ANKS6: variants seen among roughly 807,000 people sequenced by gnomAD.
The protein encoded by ANKS6 is ankyrin repeat and sterile alpha motif domain containing 6.
Under a neutral mutation model 77.9 loss-of-function variants are expected in ANKS6, and 47 were observed. The observed-to-expected ratio is 0.60, with a 90% CI of 0.48 to 0.77. The LOEUF is 0.77. Ranked by LOEUF, ANKS6 falls within the 30% of genes least tolerant of loss-of-function variation. The probability of loss-of-function intolerance (pLI) is 0.00; values close to 1 mark genes in which losing one functional copy is unlikely to be tolerated. For synonymous variants in ANKS6, 488 were observed against 501.7 expected (o/e 0.97, Z 0.37); for missense variants, 1,150 against 1,159.1 (o/e 0.99, Z 0.11).
At chr9:98,771,395 C>T (rs1833619379) in intron 9 of ANKS6, among the ~76,000 whole-genome samples, 2 of 152,318 alleles carry the variant, frequency 1.3e-5, no homozygotes, top group South Asian at 2.1e-4. Flanking sequence ...ATCCAGCCCC[C>T]TCAGCACCGC....
At chr9:98,770,749 T>C (rs1833573890) in intron 10 of ANKS6, 147 bp downstream of exon 10, 1 of 863,068 alleles carries the variant, frequency 1.2e-6, no homozygotes, top group Non-Finnish European at 1.5e-6. Flanking sequence ...GGGAATTCAC[T>C]GAAAAATCTC....
Position 98,736,001 on chromosome 9 carries a change from C to T in ANKS6, c.*518G>A. ...GGCTAACCTCTCACCATAATACATA[C>T]CCCCCATCTAAGTCAAAAGTTGTTG... On this transcript the variant is annotated 3_prime_UTR_variant, in exon 15 of 15. Coordinates refer to ENST00000353234, the MANE Select transcript of ANKS6 (RefSeq NM_173551.5). The T allele has an allele frequency of 8.2e-7, 1 of 1,218,454 alleles. No individual in the cohort carries two copies. The highest frequency in any genetic ancestry group is 1.0e-6 in the Non-Finnish European group (1 of 979,888). The allele number at this position is 1,218,454 out of a possible 1,614,324, so 75.5% of individuals were successfully genotyped here.
Position 98,790,350 on chromosome 9 carries a change from C to A in ANKS6, c.616G>T (p.Val206Leu), listed in dbSNP as rs375192576. The A allele has an allele frequency of 3.1e-6, 5 of 1,612,936 alleles. No homozygotes were observed. The highest frequency in any genetic ancestry group is 2.7e-5 in the African/African-American group (2 of 74,944). The change falls in exon 2 of 15, where the codon GTG becomes TTG. Residue 206 changes from valine (V) to leucine (L), a missense_variant. Transcript: ENST00000353234. ...MAAIQHGHEAVVRLLMEWGAD... is the reference protein window; with the variant it reads ...MAAIQHGHEALVRLLMEWGAD... The stretch of plus-strand genomic sequence containing the variant: ...CCCCACTCCATCAGTAGACGCACCA[C>A]GGCCTCGTGCCCGTGCTGGATGGCA...
chr9:98,793,896 A>T, intron 1 of ANKS6, among the ~76,000 whole-genome samples: 1 of 148,736 alleles, frequency 6.7e-6, no homozygotes, highest in East Asian at 2.1e-4. Flanking sequence ...TCACGCCTGT[A>T]ATCGCAGCAC....
At position 98,734,789 on chromosome 9, in the gene ANKS6, G is replaced by C. The variant is rs1338961082; in HGVS notation, c.*1730C>G. On this transcript the variant is annotated 3_prime_UTR_variant, in exon 15 of 15. Coordinates refer to ENST00000353234, the MANE Select transcript of ANKS6 (RefSeq NM_173551.5). ...TGCCAGCACATAGTAGGGGATGAATGAGTGTGTCTCCTTAAAAAGGCTGGG... is the reference window on the plus strand; with the variant it reads ...TGCCAGCACATAGTAGGGGATGAATCAGTGTGTCTCCTTAAAAAGGCTGGG... 1 of 984,960 alleles carries C rather than the reference G, an allele frequency of 1.0e-6. No individual in the cohort carries two copies. Among genetic ancestry groups the C allele is most frequent in the African/African-American group, 1.7e-5 (1 of 57,242 alleles). The allele number at this position is 984,960 out of a possible 1,614,324, so 61.0% of individuals were successfully genotyped here.
Position 98,780,255 on chromosome 9 carries a change from C to A in ANKS6, c.1302G>T (p.Leu434=). Residue 434 remains leucine (L), a synonymous_variant, in exon 6 of 15, where the codon CTG becomes CTT. Transcript: ENST00000353234. The part of the protein sequence containing the change: ...DKGRPSHQPP[L]PHSKVRQPWS... Reference sequence around the variant, plus strand: ...AGGGCTGTCGGACCTTCGAGTGGGGCAGGGGAGGCTGGTGGCTCGGCCGGC... The same window carrying A: ...AGGGCTGTCGGACCTTCGAGTGGGGAAGGGGAGGCTGGTGGCTCGGCCGGC... 1 of 1,613,834 alleles carries A rather than the reference C, an allele frequency of 6.2e-7. No individual in the cohort carries two copies. Among genetic ancestry groups the A allele is most frequent in the East Asian group, 2.2e-5 (1 of 44,878 alleles).
At chr9:98,779,618 A>G (rs1182997928) in intron 6 of ANKS6, among the ~76,000 whole-genome samples, 1 of 151,586 alleles carries the variant, frequency 6.6e-6, no homozygotes, top group Non-Finnish European at 1.5e-5. Flanking sequence ...GCTGGAGTGC[A>G]GTGACGTGAT....
chr9:98,776,041 T>C (rs1833900993), intron 8 of ANKS6, among the ~76,000 whole-genome samples: 1 of 152,170 alleles, frequency 6.6e-6, no homozygotes, highest in Admixed American at 6.5e-5. Context: ...CTCTGCTGGC[T>C]AGTATTAGGG....
chr9:98,734,403 T>C lies in ANKS6; in HGVS notation c.*2116A>G. ...CTGAGTGGAAGCTATACCAGTATAT[T>C]GTTATGAAAAAAACAGGACCACAGC... On this transcript the variant is annotated 3_prime_UTR_variant, in exon 15 of 15. Transcript: ENST00000353234. The C allele has an allele frequency of 2.0e-6, 2 of 985,388 alleles. No individual in the cohort carries two copies. The highest frequency in any genetic ancestry group is 2.4e-6 in the Non-Finnish European group (2 of 829,944). 61.0% of individuals were successfully genotyped at this position (985,388 alleles called of 1,614,324 possible).
chr9:98,751,167 A>G, intron 12 of ANKS6, 71 bp from the exon 13 acceptor site: 2 of 1,166,562 alleles, frequency 1.7e-6, no homozygotes, highest in South Asian at 1.3e-5. Context: ...AAACCTTTAT[A>G]AAGTAGTGGT....
chr9:98,777,865 C>T (rs1463317348), intron 7 of ANKS6, among the ~76,000 whole-genome samples: 3 of 152,140 alleles, frequency 2.0e-5, no homozygotes, highest in African/African-American at 7.2e-5. Context: ...CTACTCACAC[C>T]CTCCCAGTAA....
chr9:98,779,908 C>T (rs552326139), intron 6 of ANKS6, among the ~76,000 whole-genome samples: 2 of 152,194 alleles, frequency 1.3e-5, no homozygotes, highest in Admixed American at 6.5e-5. Context: ...GTGATCCGCC[C>T]GTCTTGGCCT....
chr9:98,745,433 T>G (rs757033763), intron 14 of ANKS6, 126 bp downstream of exon 14: 2 of 873,888 alleles, frequency 2.3e-6, no homozygotes, highest in Non-Finnish European at 3.7e-6. Context: ...GAAAAGGCCA[T>G]GCTGGGAGGT....
chr9:98,783,618 C>T (rs191851617), intron 4 of ANKS6: 1 of 214,554 alleles, frequency 4.7e-6, no homozygotes, highest in African/African-American at 2.3e-5. Context: ...AAGGAGGTCA[C>T]TATATCTCAA....
rs77147409 is a variant in ANKS6 at position 98,773,171 on chromosome 9, T to C, written c.1821+706A>G. Among the ~76,000 whole-genome samples the C allele has an allele frequency of 3.4e-4, 52 of 152,322 alleles. No homozygotes were observed. The East Asian group carries it at 9.6e-3, about 28-fold the overall frequency. On this transcript the variant is annotated intron_variant, in intron 9 of 14. Transcript: ENST00000353234. ...AGAGCATCTCCAGGCGCCAGGCTCT[T>C]GGTCTCCTGCAGGTGATCTCATACT...
chr9:98,787,590 T>C (rs1834644931), intron 2 of ANKS6, among the ~76,000 whole-genome samples: 1 of 152,224 alleles, frequency 6.6e-6, no homozygotes, highest in Non-Finnish European at 1.5e-5. Flanking sequence ...TCGGAATGAA[T>C]GTATCATCAA....
chr9:98,745,406 G>A (rs986247376), intron 14 of ANKS6, among the ~76,000 whole-genome samples, 153 bp downstream of exon 14: 4 of 152,212 alleles, frequency 2.6e-5, no homozygotes, highest in Middle Eastern at 3.2e-3. Context: ...AAACCTTACG[G>A]GGGAAGTCCG....
chr9:98,749,711 T>C (rs977141849), intron 13 of ANKS6, among the ~76,000 whole-genome samples: 4 of 152,212 alleles, frequency 2.6e-5, no homozygotes, highest in Non-Finnish European at 5.9e-5. Context: ...AGAAAGTCAC[T>C]GCTAAGGTTT....
rs543868754 is a variant in ANKS6, at chr9:98,732,191, G to A, written c.*4328C>T. On this transcript the variant is annotated 3_prime_UTR_variant, in exon 15 of 15. Transcript: ENST00000353234. ...TCATTCTGGCTGCAGAATTCTCCCA[G>A]GAAGGGTCCCGGGCTCTTCAGGAGG... 2.6e-6 allele frequency: 1 copy of A among 382,180 alleles called. No individual in the cohort carries two copies. Among genetic ancestry groups the A allele is most frequent in the East Asian group, 5.0e-5 (1 of 20,026 alleles). 23.7% of individuals were successfully genotyped at this position (382,180 alleles called of 1,614,324 possible). A position where few individuals can be genotyped will look rare whatever the true frequency, so the allele number is the denominator to read the frequency against.
Sources: allele counts gnomAD v4.1 joint callset (sites outside exome capture counted in the v4.1 genomes callset), GRCh38; gene constraint gnomAD v4.1.1; transcripts MANE v1.5; gene names NCBI Gene and HGNC (gene_info 2026-07-23, HGNC 2026-07-21).